SPMIP3: variants seen among roughly 807,000 people sequenced by gnomAD.
SPMIP3 encodes the protein sperm microtubule inner protein 3.
the SPMIP3 span, among the ~76,000 whole-genome samples, chr1:244,377,881 C>T: frequency 6.6e-6 from 1 of 152,138 alleles, no homozygotes; most frequent in Non-Finnish European, 1.5e-5. Flanking sequence ...TCTCGGCTCA[C>T]TGCAACCTCT....
At chr1:244,379,445 ATCC>A in the SPMIP3 span, among the ~76,000 whole-genome samples, 1 of 151,974 alleles carries the variant, frequency 6.6e-6, no homozygotes, top group Non-Finnish European at 1.5e-5. Context: ...GCCTCAAGCA[ATCC>A]TCCTGCCTCA....
chr1:244,370,099 C>T, the SPMIP3 span, among the ~76,000 whole-genome samples: 2 of 152,168 alleles, frequency 1.3e-5, no homozygotes, highest in African/African-American at 4.8e-5. Flanking sequence ...AGGGAAATTC[C>T]GCCGAGGACT....
the SPMIP3 span, among the ~76,000 whole-genome samples, chr1:244,358,281 G>C: frequency 1.0e-5 from 1 of 97,444 alleles, no homozygotes; most frequent in African/African-American, 3.2e-5. Context: ...TAGAATATCT[G>C]CTGTGGTTTA....
At chr1:244,373,306 C>T in the SPMIP3 span, among the ~76,000 whole-genome samples, 1 of 79,224 alleles carries the variant, frequency 1.3e-5, no homozygotes, top group Non-Finnish European at 2.9e-5. Flanking sequence ...GTAGCCTGGG[C>T]AACATAGTGA....
At chr1:244,357,895 T>C in the SPMIP3 span, among the ~76,000 whole-genome samples, 1 of 151,674 alleles carries the variant, frequency 6.6e-6, no homozygotes, top group African/African-American at 2.4e-5. Context: ...CTAGATAACA[T>C]AGTGAGACCC....
At chr1:244,369,673 GA>G in the SPMIP3 span, among the ~76,000 whole-genome samples, 2 of 148,662 alleles carry the variant, frequency 1.3e-5, no homozygotes, top group African/African-American at 2.5e-5. Flanking sequence ...CATAGGGCAC[GA>G]AAGATTGGTT....
the SPMIP3 span, among the ~76,000 whole-genome samples, chr1:244,371,119 A>G: frequency 6.6e-6 from 1 of 151,908 alleles, no homozygotes. Flanking sequence ...CCCAGATCCC[A>G]CTCCATTTAC....
At chr1:244,386,792 T>G in the SPMIP3 span, among the ~76,000 whole-genome samples, 2 of 152,198 alleles carry the variant, frequency 1.3e-5, no homozygotes, top group African/African-American at 4.8e-5. Flanking sequence ...GTTTATTTCT[T>G]GAGATACTGT....
the SPMIP3 span, among the ~76,000 whole-genome samples, chr1:244,381,016 G>A: frequency 6.6e-6 from 1 of 152,050 alleles, no homozygotes; most frequent in Non-Finnish European, 1.5e-5. Flanking sequence ...GGAGGCTGGG[G>A]CTGAGGTCAA....
the SPMIP3 span, among the ~76,000 whole-genome samples, chr1:244,386,314 CAAT>C: frequency 6.6e-6 from 1 of 152,206 alleles, no homozygotes; most frequent in Non-Finnish European, 1.5e-5. Flanking sequence ...TATTTTCCAA[CAAT>C]GACTTTCAAA....
At chr1:244,375,117 A>AT in the SPMIP3 span, 1 of 257,434 alleles carries the variant, frequency 3.9e-6, no homozygotes, top group African/African-American at 2.2e-5. Context: ...CATAAATAAC[A>AT]TTTTATTACA....
the SPMIP3 span, among the ~76,000 whole-genome samples, chr1:244,383,456 G>C: frequency 0.79 from 119,980 of 152,060 alleles, 47,770 homozygotes; most frequent in African/African-American, 0.88. Flanking sequence ...GCTGCATGAG[G>C]TATGATTATA....
chr1:244,386,003 A>AAC, the SPMIP3 span, among the ~76,000 whole-genome samples: 21,298 of 145,558 alleles, frequency 0.15, 1,641 homozygotes, highest in South Asian at 0.3. Flanking sequence ...ATCTCTACAA[A>AAC]ACACACACAC....
chr1:244,386,700 A>T, the SPMIP3 span, among the ~76,000 whole-genome samples: 1 of 152,236 alleles, frequency 6.6e-6, no homozygotes, highest in Non-Finnish European at 1.5e-5. Context: ...CACTCGATTA[A>T]ATCTAAAAAT....
chr1:244,357,731 A>T, the SPMIP3 span, among the ~76,000 whole-genome samples: 5 of 148,424 alleles, frequency 3.4e-5, no homozygotes, highest in Admixed American at 6.8e-5. Flanking sequence ...AAAAAAGAAT[A>T]CTCTAGCAAT....
the SPMIP3 span, among the ~76,000 whole-genome samples, chr1:244,358,828 G>A: frequency 1.3e-5 from 2 of 152,092 alleles, no homozygotes; most frequent in Admixed American, 6.6e-5. Flanking sequence ...GGCACAGACA[G>A]CACTTTTGTT....
At chr1:244,382,173 A>G in the SPMIP3 span, among the ~76,000 whole-genome samples, 1 of 151,880 alleles carries the variant, frequency 6.6e-6, no homozygotes, top group Non-Finnish European at 1.5e-5. Flanking sequence ...CTGCTTCCGC[A>G]GGGCTGACAT....
the SPMIP3 span, among the ~76,000 whole-genome samples, chr1:244,374,587 C>CTTTTTTTTTTTTTTTTTTTTTTTTT: frequency 1.3e-5 from 1 of 74,616 alleles, no homozygotes; most frequent in Non-Finnish European, 2.4e-5. Context: ...CCACATTTCT[C>CTTTTTTTTTTTTTTTTTTTTTTTTT]TTTTTTTTTT....
At chr1:244,356,288 T>C in the SPMIP3 span, among the ~76,000 whole-genome samples, 1 of 152,214 alleles carries the variant, frequency 6.6e-6, no homozygotes, top group Admixed American at 6.5e-5. Context: ...GCTATCAGAT[T>C]GAGAAGGTTC....
Sources: gnomAD v4.1 joint callset for allele counts (sites outside exome capture counted in the v4.1 genomes callset) on GRCh38, gnomAD v4.1.1 for gene constraint, MANE v1.5 for transcripts, NCBI Gene and HGNC (gene_info 2026-07-23, HGNC 2026-07-21) for gene names.